A2ML1: variants seen among roughly 807,000 people sequenced by gnomAD.
The protein encoded by A2ML1 is alpha-2-macroglobulin-like protein 1.
A2ML1 carries 161 observed loss-of-function variants against 181.9 expected under a neutral mutation model. The observed-to-expected ratio is 0.89, with a 90% CI of 0.78 to 1.01. The LOEUF is 1.01. Ranked by LOEUF, A2ML1 falls within the 50% of genes least tolerant of loss-of-function variation. The pLI, the probability that A2ML1 is intolerant of heterozygous loss-of-function variation, is 0.00. For synonymous variants in A2ML1, 663 were observed against 666.8 expected (o/e 0.99, Z 0.09); for missense variants, 1,670 against 1,768.1 (o/e 0.94, Z 1.00).
chr12:8,844,941 G>A (rs1943615572), intron 12 of A2ML1: 1 of 1,293,374 alleles, frequency 7.7e-7, no homozygotes, highest in South Asian at 2.2e-5. Flanking sequence ...ACCGAGTTCT[G>A]TTTCAAGTGA....
chr12:8,848,760 A>G lies in A2ML1; in HGVS notation c.1874A>G (p.Tyr625Cys), dbSNP rs759664362. The G allele has an allele frequency of 3.1e-6, 5 of 1,613,778 alleles. No homozygotes were observed. The highest frequency in any genetic ancestry group is 4.2e-6 in the Non-Finnish European group (5 of 1,179,900). ...CCATTCTGGTATGGTCACTACCCCTATCAAGTGGCTGAGTATGATCAGTGT... is the reference window on the plus strand; with the variant it reads ...CCATTCTGGTATGGTCACTACCCCTGTCAAGTGGCTGAGTATGATCAGTGT... The part of the protein sequence containing the change: ...MFPFWYGHYP[Y>C]QVAEYDQCPV... Residue 625 changes from tyrosine to cysteine, a missense_variant, in exon 16 of 36, where the codon TAT (tyrosine) becomes TGT (cysteine). Physicochemically the swap from Tyr to Cys is radical, Grantham distance 194. Coordinates refer to ENST00000299698, the MANE Select transcript of A2ML1 (RefSeq NM_144670.6).
chr12:8,868,148 A>G, intron 30 of A2ML1, 82 bp from the exon 31 acceptor site: 1 of 1,608,998 alleles, frequency 6.2e-7, no homozygotes, highest in Non-Finnish European at 8.5e-7. Context: ...TTTCTTTCTC[A>G]CTTGTAAGAA....
intron 9 of A2ML1, among the ~76,000 whole-genome samples, 179 bp from the exon 10 acceptor site, chr12:8,838,934 A>AAAG (rs1565469439): frequency 2.0e-5 from 3 of 151,222 alleles, no homozygotes; most frequent in African/African-American, 7.3e-5. Flanking sequence ...AAAAAAAAAA[A>AAAG]AAGAAGAAAT....
chr12:8,882,826 A>G (rs908701011), intron 7 of A2ML1, among the ~76,000 whole-genome samples: 19 of 152,132 alleles, frequency 1.2e-4, no homozygotes, highest in African/African-American at 4.3e-4. Context: ...TCCTAATCTG[A>G]TTATGACATT....
chr12:8,838,160 T>A (rs1943349556), intron 8 of A2ML1, among the ~76,000 whole-genome samples, 176 bp from the exon 9 acceptor site: 1 of 152,216 alleles, frequency 6.6e-6, no homozygotes, highest in Non-Finnish European at 1.5e-5. Flanking sequence ...AGCTTCAAAG[T>A]CATTTCATGA....
chr12:8,842,840 C>T (rs1182859772), intron 11 of A2ML1, among the ~76,000 whole-genome samples: 2 of 152,196 alleles, frequency 1.3e-5, no homozygotes, highest in African/African-American at 2.4e-5. Context: ...ATCTAAGTCA[C>T]GTTCATCTAT....
At chr12:8,822,853 T>C (rs1366754915) in intron 1 of A2ML1, 140 bp downstream of exon 1, 2 of 780,090 alleles carry the variant, frequency 2.6e-6, no homozygotes, top group Non-Finnish European at 4.2e-6. Context: ...TTGGTTCCAC[T>C]GATCCTTTAC....
Position 8,857,564 on chromosome 12 carries a change from A to G in A2ML1, c.3083A>G (p.Glu1028Gly). 1.2e-6 allele frequency: 2 copies of G among 1,611,788 alleles called. No individual in the cohort carries two copies. The highest frequency in any genetic ancestry group is 2.2e-5 in the South Asian group (2 of 90,504). Reference sequence around the variant, plus strand: ...AATGGCTCATACAGTGCCTTTGGGGAGCGAGATGGAAATGGAAACACATGG... The same window carrying G: ...AATGGCTCATACAGTGCCTTTGGGGGGCGAGATGGAAATGGAAACACATGG... ...HSNGSYSAFG[E>G]RDGNGNTWLT... Residue 1028 changes from glutamate to glycine, a missense_variant, in exon 25 of 36, where the codon GAG becomes GGG. Coordinates refer to ENST00000299698, the MANE Select transcript of A2ML1 (RefSeq NM_144670.6).
intron 26 of A2ML1, among the ~76,000 whole-genome samples, chr12:8,860,346 A>G (rs1466495863): frequency 6.6e-6 from 1 of 152,164 alleles, no homozygotes; most frequent in East Asian, 1.9e-4. Flanking sequence ...CGTGACCACA[A>G]GCTATTTAAT....
chr12:8,854,957 C>G (rs373431758), intron 22 of A2ML1, 126 bp downstream of exon 22: 1 of 993,692 alleles, frequency 1.0e-6, no homozygotes. Flanking sequence ...TGCAGTGGCA[C>G]GATTTCAGCT....
Position 8,869,195 on chromosome 12 carries a change from T to C in A2ML1, c.4213T>C (p.Leu1405=). Residue 1405 remains leucine (L), a synonymous_variant, in exon 33 of 36, where the codon TTG becomes CTG. Transcript: ENST00000299698. ...EFGTDTLNIY[L]DELIKNTQTY... is the part of the protein sequence containing the mutation. ...TGGAACTGACACACTTAACATTTAC[T>C]TGGATGAGGTAGGTATTCAGGAACC... 1 of 1,614,088 alleles carries C rather than the reference T, an allele frequency of 6.2e-7. No individual in the cohort carries two copies. The highest frequency in any genetic ancestry group is 8.5e-7 in the Non-Finnish European group (1 of 1,180,008).
In A2ML1 at chr12:8,831,669, C is replaced by T. The variant is rs144176703; in HGVS notation, c.462+1890C>T. Among the ~76,000 whole-genome samples the T allele has an allele frequency of 6.1e-3, 924 of 152,250 alleles. 10 individuals carry two copies. The highest frequency in any genetic ancestry group is 0.02 in the African/African-American group (833 of 41,548). ...GAAGAAAGAGTAACTCACCCAGAGC[C>T]GGCTGTGTGGGAGACTGGAGTTTTA... On this transcript the variant is annotated intron_variant, in intron 4 of 35. Transcript: ENST00000299698.
downstream of A2ML1, among the ~76,000 whole-genome samples, chr12:8,881,402 A>G (rs1007658488): frequency 2.0e-5 from 3 of 152,234 alleles, no homozygotes; most frequent in Admixed American, 6.5e-5. Context: ...CGGAGGCACT[A>G]ATGGAAGATA....
At position 8,882,538 on chromosome 12, in the gene A2ML1, T is replaced by A. The variant is rs952854197; in HGVS notation, c.*94+1922T>A. Among the ~76,000 whole-genome samples, 4 of 152,222 alleles carry A rather than the reference T, an allele frequency of 2.6e-5. No homozygotes were observed. In the South Asian group the frequency reaches 8.3e-4, roughly 32 times the overall value. The stretch of plus-strand genomic sequence containing the variant: ...ATCCAGACTGTTGCAAAAACCCAGT[T>A]GCTGCCCCTTCTATGTCAGAACATT... On this transcript the variant is annotated intron_variant and NMD_transcript_variant, in intron 7 of 7. Transcript: ENST00000537475.
At position 8,852,325 on chromosome 12, in the gene A2ML1, C is replaced by T; in HGVS notation, c.2579C>T (p.Ala860Val). Reference protein sequence around the residue: ...DAKTHHWNITAVKLGHINFTI... With the variant: ...DAKTHHWNITVVKLGHINFTI... Reference sequence around the variant, plus strand: ...AAAACCCACCACTGGAACATCACAGCTGTCAAATTGGGTAAGAGAGGGAAG... The same window carrying T: ...AAAACCCACCACTGGAACATCACAGTTGTCAAATTGGGTAAGAGAGGGAAG... The change falls in exon 20 of 36, where the codon GCT becomes GTT. Residue 860 changes from alanine to valine, a missense_variant. Physicochemically the swap from Ala to Val is moderately conservative, Grantham distance 64. Coordinates refer to ENST00000299698, the MANE Select transcript of A2ML1 (RefSeq NM_144670.6). The surrounding 1 kb of genome is among the most constrained non-coding windows in gnomAD (Gnocchi z 4.2). 1 of 1,614,144 alleles carries T rather than the reference C, an allele frequency of 6.2e-7. No individual in the cohort carries two copies. The highest frequency in any genetic ancestry group is 8.5e-7 in the Non-Finnish European group (1 of 1,180,002).
At chr12:8,824,080 A>T (rs902965758) in intron 3 of A2ML1, among the ~76,000 whole-genome samples, 198 bp downstream of exon 3, 1 of 152,138 alleles carries the variant, frequency 6.6e-6, no homozygotes, top group Non-Finnish European at 1.5e-5. Context: ...GGGGGTTGCT[A>T]CTGAGTTTGT....
intron 28 of A2ML1, among the ~76,000 whole-genome samples, chr12:8,862,562 T>A (rs6487426): frequency 0.94 from 143,021 of 152,288 alleles, 67,809 homozygotes; most frequent in East Asian, 1. Context: ...TAAATAAAAT[T>A]TTAATGCATT....
At chr12:8,868,452 G>A in intron 31 of A2ML1, 85 bp from the exon 32 acceptor site, 1 of 1,392,492 alleles carries the variant, frequency 7.2e-7, no homozygotes, top group Non-Finnish European at 9.6e-7. Flanking sequence ...GTATGTGTGT[G>A]TGTACGTGTG....
chr12:8,842,297 A>C (rs1215693391), intron 11 of A2ML1, among the ~76,000 whole-genome samples: 1 of 150,994 alleles, frequency 6.6e-6, no homozygotes, highest in East Asian at 1.9e-4. Context: ...GGCTCACTGC[A>C]AGCTCCGCCT....
Sources: gnomAD v4.1 joint callset for allele counts (sites outside exome capture counted in the v4.1 genomes callset) on GRCh38, gnomAD v4.1.1 for gene constraint, Gnocchi (gnomAD v3.1) non-coding constraint, MANE v1.5 for transcripts, NCBI Gene and HGNC (gene_info 2026-07-23, HGNC 2026-07-21) for gene names.